ULK4: variants seen among roughly 807,000 people sequenced by gnomAD.
The protein encoded by ULK4 is unc-51 like kinase 4.
ULK4 carries 133 observed loss-of-function variants against 160.6 expected under a neutral mutation model. The ratio of observed to expected loss-of-function variants is 0.83; its 90% CI spans 0.72 to 0.96. ULK4 has a LOEUF of 0.96. ULK4 is among the 40% of genes least tolerant of loss of function. ULK4 has a pLI of 0.00. For synonymous variants in ULK4, 534 were observed against 539.8 expected (o/e 0.99, Z 0.15); for missense variants, 1,580 against 1,499.5 (o/e 1.05, Z -0.89).
Position 41,274,172 on chromosome 3 carries a change from G to C in ULK4, c.3679-24598C>G, listed in dbSNP as rs542391088. Among the ~76,000 whole-genome samples the C allele has an allele frequency of 3.9e-5, 6 of 152,146 alleles. No homozygotes were observed. In the South Asian group the frequency reaches 1.2e-3, roughly 32 times the overall value. On this transcript the variant is annotated intron_variant, in intron 35 of 36. Coordinates refer to ENST00000301831, the MANE Select transcript of ULK4 (RefSeq NM_017886.4). ...CAGAGGTCACTATCTTTCACTGCCT[G>C]GTGTCCAGTGTCTTGAAAGCCATTG...
chr3:41,704,126 T>G (rs895672239), intron 27 of ULK4, among the ~76,000 whole-genome samples: 1 of 152,194 alleles, frequency 6.6e-6, no homozygotes, highest in Non-Finnish European at 1.5e-5. Context: ...TGTTGGAAAT[T>G]TGAAAAACAT....
In ULK4 at chr3:41,431,547, C is replaced by CTTTT. The variant is rs1553664758; in HGVS notation, c.3492+23946_3492+23949dup. The stretch of plus-strand genomic sequence containing the variant: ...CCTGTGAGGTGTTGTAATTCCCTCC[C>CTTTT]TTTTTTTTTTTTTTTGATGTGGAAA... On this transcript the variant is annotated intron_variant, in intron 34 of 36. Coordinates refer to ENST00000301831, the MANE Select transcript of ULK4 (RefSeq NM_017886.4). 1.0e-4 allele frequency among the ~76,000 whole-genome samples: 10 copies of CTTTT among 95,868 alleles called. 1 individual carries two copies. The highest frequency in any genetic ancestry group is 7.6e-4 in the South Asian group (2 of 2,646). 62.9% of individuals were successfully genotyped at this position (95,868 alleles called of 152,430 possible).
At chr3:41,457,052 T>A (rs2083570709) in intron 33 of ULK4, among the ~76,000 whole-genome samples, 2 of 152,212 alleles carry the variant, frequency 1.3e-5, no homozygotes, top group African/African-American at 4.8e-5. Flanking sequence ...GAAACAAATG[T>A]GCGGCACTAT....
intron 27 of ULK4, among the ~76,000 whole-genome samples, chr3:41,703,165 G>T (rs28840483): frequency 0.19 from 28,790 of 151,864 alleles, 7,430 homozygotes; most frequent in African/African-American, 0.59. Context: ...ACGACAAGAT[G>T]TGAACAAGAT....
intron 17 of ULK4, among the ~76,000 whole-genome samples, chr3:41,865,591 T>G (rs1251620659): frequency 6.6e-6 from 1 of 152,186 alleles, no homozygotes; most frequent in East Asian, 1.9e-4. Flanking sequence ...ACTTCCTCTC[T>G]TTAATATCCT....
chr3:41,332,347 G>GA (rs1426621493), intron 35 of ULK4, among the ~76,000 whole-genome samples: 2 of 152,154 alleles, frequency 1.3e-5, no homozygotes, highest in Non-Finnish European at 2.9e-5. Context: ...ATGATTTTAG[G>GA]AAAGTTCTGG....
At chr3:41,642,198 T>C (rs1177851036) in intron 30 of ULK4, among the ~76,000 whole-genome samples, 5 of 152,172 alleles carry the variant, frequency 3.3e-5, no homozygotes, top group Non-Finnish European at 7.3e-5. Context: ...TTTACTCTTT[T>C]TTTTTAATAC....
intron 22 of ULK4, among the ~76,000 whole-genome samples, chr3:41,721,333 A>AATATATATATATATATATAT (rs71075483): frequency 3.7e-5 from 1 of 26,940 alleles, no homozygotes; most frequent in African/African-American, 1.7e-4. Context: ...TTTTAATGTA[A>AATATATATATATATATATAT]ATATATATAT....
At chr3:41,736,869 C>G (rs191310681) in intron 22 of ULK4, among the ~76,000 whole-genome samples, 81 of 151,560 alleles carry the variant, frequency 5.3e-4, no homozygotes, top group Middle Eastern at 3.4e-3. Flanking sequence ...TAATTTTTGT[C>G]TAAGGTGTAA....
intron 35 of ULK4, among the ~76,000 whole-genome samples, chr3:41,326,547 T>C (rs1031369923): frequency 6.1e-4 from 93 of 151,978 alleles, no homozygotes; most frequent in African/African-American, 2.2e-3. Context: ...AAGTAACAGG[T>C]GAAAGGCAGA....
chr3:41,935,576 G>A (rs1484620999), intron 4 of ULK4, among the ~76,000 whole-genome samples: 1 of 150,778 alleles, frequency 6.6e-6, no homozygotes, highest in Admixed American at 6.6e-5. Flanking sequence ...GGCCAGGCTG[G>A]TCTCGAACTC....
chr3:41,655,073 C>T (rs2034878942), intron 30 of ULK4, among the ~76,000 whole-genome samples: 1 of 151,886 alleles, frequency 6.6e-6, no homozygotes, highest in Admixed American at 6.6e-5. Context: ...CTTTGGGAGG[C>T]TGAGGTGGGA....
chr3:41,819,968 G>A (rs1375239114), intron 18 of ULK4, among the ~76,000 whole-genome samples: 1 of 152,032 alleles, frequency 6.6e-6, no homozygotes, highest in Non-Finnish European at 1.5e-5. Context: ...AGTAAGACAA[G>A]GAACTAAATA....
Position 41,387,155 on chromosome 3 carries a change from T to A in ULK4, c.3678+10924A>T, listed in dbSNP as rs140935389. ...CATGGGGTACACAGTAAGGTTTCGA[T>A]ACATATAATGTATAGTGGTCAGATC... On this transcript the variant is annotated intron_variant, in intron 35 of 36. Transcript: ENST00000301831. 2.5e-3 allele frequency among the ~76,000 whole-genome samples: 383 copies of A among 152,310 alleles called. 2 individuals carry two copies. The highest frequency in any genetic ancestry group is 3.5e-3 in the Non-Finnish European group (241 of 68,010).
chr3:41,647,207 T>A (rs931551289), intron 30 of ULK4, among the ~76,000 whole-genome samples: 1 of 152,264 alleles, frequency 6.6e-6, no homozygotes, highest in Admixed American at 6.5e-5. Flanking sequence ...AAAGTCATTC[T>A]CCATCCAGCT....
At chr3:41,747,019 A>G (rs1484911396) in intron 22 of ULK4, among the ~76,000 whole-genome samples, 1 of 152,020 alleles carries the variant, frequency 6.6e-6, no homozygotes, top group Non-Finnish European at 1.5e-5. Context: ...CTCAAAATGG[A>G]TCACAAACTT....
chr3:41,285,332 C>T (rs2079436167), intron 35 of ULK4, among the ~76,000 whole-genome samples: 2 of 152,162 alleles, frequency 1.3e-5, no homozygotes, highest in Admixed American at 1.3e-4. Context: ...AATCGTGAAA[C>T]CAACCCAAAT....
Position 41,681,599 on chromosome 3 carries a change from C to A in ULK4, c.2887G>T (p.Val963Leu). Residue 963 changes from valine (V) to leucine (L), a missense_variant, in exon 29 of 37, where the codon GTG (valine) becomes TTG (leucine). Physicochemically the swap from Val to Leu is conservative, Grantham distance 32. Coordinates refer to ENST00000301831, the MANE Select transcript of ULK4 (RefSeq NM_017886.4). ...RLLSETTSLL[V>L]NQEFGDGKEK... ...TTGCCATCCCCAAACTCCTGGTTCA[C>A]GAGTAGAGATGTGGTTTCTGAGAGC... The A allele has an allele frequency of 6.2e-7, 1 of 1,613,728 alleles. No individual in the cohort carries two copies. Among genetic ancestry groups the A allele is most frequent in the Non-Finnish European group, 8.5e-7 (1 of 1,179,946 alleles).
chr3:41,811,233 G>A (rs1433884792), intron 19 of ULK4, among the ~76,000 whole-genome samples: 1 of 150,336 alleles, frequency 6.7e-6, no homozygotes, highest in Non-Finnish European at 1.5e-5. Context: ...GTCTCACCCT[G>A]TTACCCAGGC....
Sources: gnomAD v4.1 joint callset for allele counts (sites outside exome capture counted in the v4.1 genomes callset) on GRCh38, gnomAD v4.1.1 for gene constraint, MANE v1.5 for transcripts, NCBI Gene and HGNC (gene_info 2026-07-23, HGNC 2026-07-21) for gene names.